Variants in SLC24A2 observed in about 807,000 individuals in gnomAD.
SLC24A2 encodes the protein solute carrier family 24 member 2.
Under a neutral mutation model 62.0 loss-of-function variants are expected in SLC24A2, and 36 were observed. The ratio of observed to expected loss-of-function variants is 0.58; its 90% CI spans 0.44 to 0.77. SLC24A2 has a LOEUF of 0.77. Ranked by LOEUF, SLC24A2 falls within the 30% of genes least tolerant of loss-of-function variation. The pLI is 0.00. For synonymous variants in SLC24A2, 358 were observed against 294.0 expected (o/e 1.22, Z -2.23); for missense variants, 846 against 817.9 (o/e 1.03, Z -0.42).
At chr9:19,706,416 G>A (rs1820521171) in intron 2 of SLC24A2, among the ~76,000 whole-genome samples, 1 of 136,934 alleles carries the variant, frequency 7.3e-6, no homozygotes, top group African/African-American at 2.8e-5. Flanking sequence ...GTTTCGCTCT[G>A]TCGCCCATGC....
At chr9:19,836,516 A>G in the SLC24A2 span, among the ~76,000 whole-genome samples, 8 of 152,352 alleles carry the variant, frequency 5.3e-5, no homozygotes, top group African/African-American at 1.9e-4. Flanking sequence ...CACCCTCCCA[A>G]GACTAAGCCA....
chr9:20,093,166 G>A, the SLC24A2 span, among the ~76,000 whole-genome samples: 1 of 151,722 alleles, frequency 6.6e-6, no homozygotes, highest in Non-Finnish European at 1.5e-5. Context: ...CCACCTCCCA[G>A]GTTCAAAAGA....
intron 2 of SLC24A2, among the ~76,000 whole-genome samples, chr9:19,725,770 A>C (rs1465380016): frequency 6.6e-6 from 1 of 152,180 alleles, no homozygotes; most frequent in Non-Finnish European, 1.5e-5. Flanking sequence ...GTTTCTAAAG[A>C]CACAACACTG....
chr9:19,556,800 G>C (rs747467701), intron 7 of SLC24A2, among the ~76,000 whole-genome samples: 3 of 152,104 alleles, frequency 2.0e-5, no homozygotes, highest in Non-Finnish European at 4.4e-5. Flanking sequence ...CTGCCTTCTA[G>C]GCCCCACCAG....
chr9:19,681,078 C>T (rs1819709414), intron 2 of SLC24A2, among the ~76,000 whole-genome samples: 1 of 152,114 alleles, frequency 6.6e-6, no homozygotes, highest in Admixed American at 6.6e-5. Context: ...TGAAAGCCTT[C>T]CAAATGGCCC....
chr9:19,910,489 T>G, the SLC24A2 span, among the ~76,000 whole-genome samples: 1 of 152,112 alleles, frequency 6.6e-6, no homozygotes, highest in African/African-American at 2.4e-5. Flanking sequence ...CTCAAAAACA[T>G]TCTCAATTTC....
intron 7 of SLC24A2, among the ~76,000 whole-genome samples, chr9:19,557,518 C>T (rs1835155252): frequency 6.6e-6 from 1 of 152,196 alleles, no homozygotes; most frequent in African/African-American, 2.4e-5. Flanking sequence ...GACCTTTAAT[C>T]ATCCATGTGT....
intron 2 of SLC24A2, among the ~76,000 whole-genome samples, chr9:19,762,272 G>A (rs529778147): frequency 3.9e-5 from 6 of 152,266 alleles, no homozygotes; most frequent in African/African-American, 1.2e-4. Flanking sequence ...TGTTCACACC[G>A]ATGATAGTTT....
intron 2 of SLC24A2, among the ~76,000 whole-genome samples, chr9:19,658,670 G>A (rs79412153): frequency 0.016 from 2,382 of 152,280 alleles, 68 homozygotes; most frequent in East Asian, 0.13. Context: ...CAACATTTAG[G>A]TGTTGAATCA....
At chr9:19,934,402 C>G in the SLC24A2 span, among the ~76,000 whole-genome samples, 1 of 152,118 alleles carries the variant, frequency 6.6e-6, no homozygotes, top group Non-Finnish European at 1.5e-5. This position sits in a 1 kb window ranked among gnomAD's most constrained non-coding sequence, Gnocchi z 4.1. Flanking sequence ...ATGCCCTGCA[C>G]CGGTGTGAGA....
chr9:20,020,696 C>T, the SLC24A2 span, among the ~76,000 whole-genome samples: 106,354 of 152,016 alleles, frequency 0.7, 37,448 homozygotes, highest in Admixed American at 0.78. Flanking sequence ...GTTCTGCACA[C>T]GTATCCCAGA....
At chr9:19,897,372 T>A in the SLC24A2 span, among the ~76,000 whole-genome samples, 1 of 152,188 alleles carries the variant, frequency 6.6e-6, no homozygotes, top group Non-Finnish European at 1.5e-5. Flanking sequence ...TCCTTGCCTA[T>A]GAAAGTTTAC....
chr9:19,723,650 T>C (rs900021604), intron 2 of SLC24A2, among the ~76,000 whole-genome samples: 1 of 152,084 alleles, frequency 6.6e-6, no homozygotes, highest in Non-Finnish European at 1.5e-5. Flanking sequence ...CCCAGTATAG[T>C]TGAATCAGAT....
At chr9:20,274,785 C>A in the SLC24A2 span, among the ~76,000 whole-genome samples, 1 of 152,122 alleles carries the variant, frequency 6.6e-6, no homozygotes, top group Admixed American at 6.5e-5. Flanking sequence ...CCACCGAGAT[C>A]TCTTGGGGAT....
the SLC24A2 span, among the ~76,000 whole-genome samples, chr9:20,278,675 C>G: frequency 6.6e-6 from 1 of 152,224 alleles, no homozygotes; most frequent in Non-Finnish European, 1.5e-5. Flanking sequence ...GACTTTCCCA[C>G]ATCGTCCTGT....
the SLC24A2 span, among the ~76,000 whole-genome samples, chr9:20,116,777 T>C: frequency 1.3e-5 from 2 of 152,276 alleles, no homozygotes; most frequent in East Asian, 1.9e-4. Context: ...GATCAGTTCA[T>C]TGACTCTGAG....
chr9:20,232,652 G>T, the SLC24A2 span, among the ~76,000 whole-genome samples: 2 of 152,072 alleles, frequency 1.3e-5, no homozygotes, highest in Non-Finnish European at 2.9e-5. Flanking sequence ...CTTGCTAGCG[G>T]TCTATCAATT....
At chr9:19,538,338 G>A (rs1289667471) in intron 8 of SLC24A2, among the ~76,000 whole-genome samples, 8 of 146,258 alleles carry the variant, frequency 5.5e-5, no homozygotes, top group Non-Finnish European at 1.2e-4. Flanking sequence ...CTGGCTGTGG[G>A]TTTGTCATAG....
chr9:20,165,879 A>G, the SLC24A2 span, among the ~76,000 whole-genome samples: 3 of 151,950 alleles, frequency 2.0e-5, no homozygotes, highest in Admixed American at 2.0e-4. Context: ...CATTTGCAAT[A>G]TGTATCACAG....
Sources: gnomAD v4.1 joint callset for allele counts (sites outside exome capture counted in the v4.1 genomes callset) on GRCh38, gnomAD v4.1.1 for gene constraint, Gnocchi (gnomAD v3.1) non-coding constraint, MANE v1.5 for transcripts, NCBI Gene and HGNC (gene_info 2026-07-23, HGNC 2026-07-21) for gene names.